Variants in KALRN observed in about 807,000 individuals in gnomAD.
KALRN encodes kalirin.
Under a neutral mutation model 353.7 loss-of-function variants are expected in KALRN, and 70 were observed. The observed-to-expected ratio is 0.20, with a 90% CI of 0.16 to 0.24. The LOEUF is 0.24. Among genes scored for constraint, KALRN ranks in the 10% least tolerant of loss-of-function variants. The pLI is 1.00. For missense variants in KALRN, 2,791 were observed against 3,756.7 expected (o/e 0.74, Z 6.72); for synonymous variants, 1,391 against 1,434.8 (o/e 0.97, Z 0.69).
chr3:124,346,816 G>A (rs532129997), intron 9 of KALRN, among the ~76,000 whole-genome samples: 1 of 152,310 alleles, frequency 6.6e-6, no homozygotes, highest in South Asian at 2.1e-4. Context: ...ATGTGATTGG[G>A]TAGAAGTGGT....
In KALRN at chr3:124,402,463, A is replaced by G. The variant is rs150031544; in HGVS notation, c.2346+3592A>G. ...ATAAACTAGTTATGATAGAAGAGAC[A>G]TTTCACCAAATACAAATGTTTATTT... On this transcript the variant is annotated intron_variant, in intron 13 of 59. Transcript: ENST00000682506. Among the ~76,000 whole-genome samples the G allele has an allele frequency of 5.2e-3, 794 of 152,366 alleles. 3 individuals carry two copies. Among genetic ancestry groups the G allele is most frequent in the Non-Finnish European group, 7.3e-3 (495 of 68,034 alleles).
chr3:124,573,325 A>C (rs750923819), intron 34 of KALRN, among the ~76,000 whole-genome samples: 30 of 152,330 alleles, frequency 2.0e-4, no homozygotes, highest in South Asian at 1.0e-3. Context: ...CCAACAAGGT[A>C]GACTTTGCAG....
chr3:124,165,330 A>G (rs187072703), intron 1 of KALRN, among the ~76,000 whole-genome samples: 308 of 152,146 alleles, frequency 2.0e-3, no homozygotes, highest in Non-Finnish European at 3.8e-3. Flanking sequence ...CATCTCTTAG[A>G]AAGCTTTTCA....
intron 10 of KALRN, among the ~76,000 whole-genome samples, chr3:124,357,021 A>T (rs1467757019): frequency 2.0e-5 from 3 of 152,044 alleles, no homozygotes; most frequent in Non-Finnish European, 2.9e-5. Context: ...TTATTATATC[A>T]CCTCCCACCC....
chr3:124,609,055 T>C (rs891365640), intron 34 of KALRN, among the ~76,000 whole-genome samples: 2 of 152,210 alleles, frequency 1.3e-5, no homozygotes, highest in African/African-American at 2.4e-5. Flanking sequence ...AGAAAGGTCA[T>C]GTGGGCTTGA....
At chr3:124,089,283 G>A (rs555438182) in intron 1 of KALRN, among the ~76,000 whole-genome samples, 1 of 152,262 alleles carries the variant, frequency 6.6e-6, no homozygotes, top group South Asian at 2.1e-4. Flanking sequence ...GGATGGAGAA[G>A]GGCATGGGAT....
At position 124,633,960 on chromosome 3, in the gene KALRN, C is replaced by T. The variant is rs757276294; in HGVS notation, c.5568+7C>T. 5.0e-6 allele frequency: 8 copies of T among 1,608,818 alleles called. No homozygotes were observed. Among genetic ancestry groups the T allele is most frequent in the Admixed American group, 3.3e-5 (2 of 59,946 alleles). On this transcript the variant is annotated splice_region_variant and intron_variant, in intron 36 of 59. Transcript: ENST00000682506. ...CCCTACACAGGATGAAATGGTAGAA[C>T]TTCTTTACTTGCTCACTTAAAAGAG...
chr3:124,346,368 C>G (rs2082264398), intron 9 of KALRN, among the ~76,000 whole-genome samples: 1 of 152,144 alleles, frequency 6.6e-6, no homozygotes. Context: ...CCCTCTATTG[C>G]CCAGGGGTCT....
In KALRN at chr3:124,182,438, T is replaced by G. The variant is rs142952859; in HGVS notation, c.74-45552T>G. 2.4e-4 allele frequency among the ~76,000 whole-genome samples: 36 copies of G among 152,332 alleles called. No individual in the cohort carries two copies. In the East Asian group the frequency reaches 6.7e-3, roughly 29 times the overall value. ...GGGGCTGAGGGTCTCAGTTTCTTGTTGCAGAGGCTGATCTCTGGTCTTTGT... is the reference window on the plus strand; with the variant it reads ...GGGGCTGAGGGTCTCAGTTTCTTGTGGCAGAGGCTGATCTCTGGTCTTTGT... On this transcript the variant is annotated intron_variant, in intron 1 of 59. Coordinates refer to ENST00000682506, the MANE Select transcript of KALRN (RefSeq NM_001388419.1).
At chr3:124,224,492 A>T (rs1171461787) in intron 1 of KALRN, among the ~76,000 whole-genome samples, 1 of 152,218 alleles carries the variant, frequency 6.6e-6, no homozygotes, top group Non-Finnish European at 1.5e-5. Context: ...CACAGGTTGC[A>T]CAAGTGTGAT....
At chr3:124,419,557 T>C (rs1265147327) in intron 14 of KALRN, among the ~76,000 whole-genome samples, 1 of 151,996 alleles carries the variant, frequency 6.6e-6, no homozygotes, top group African/African-American at 2.4e-5. Flanking sequence ...GTTTGTTCAT[T>C]GATTAGGTAT....
chr3:124,546,661 C>T (rs188102638), intron 33 of KALRN, among the ~76,000 whole-genome samples: 1 of 152,094 alleles, frequency 6.6e-6, no homozygotes, highest in Non-Finnish European at 1.5e-5. Flanking sequence ...TGGTCTTAGA[C>T]CCAAAAGCGC....
intron 57 of KALRN, among the ~76,000 whole-genome samples, chr3:124,703,408 G>A (rs2062440778): frequency 6.6e-6 from 1 of 151,918 alleles, no homozygotes; most frequent in Non-Finnish European, 1.5e-5. Flanking sequence ...TGTTATTTTT[G>A]TTTGTTTGAG....
intron 11 of KALRN, among the ~76,000 whole-genome samples, chr3:124,394,554 G>A (rs1445719593): frequency 6.6e-6 from 1 of 152,124 alleles, no homozygotes; most frequent in Non-Finnish European, 1.5e-5. Context: ...ATGGGAAAAT[G>A]TCTCATATAT....
intron 10 of KALRN, among the ~76,000 whole-genome samples, chr3:124,383,173 G>A (rs1214586629): frequency 6.6e-6 from 1 of 152,138 alleles, no homozygotes; most frequent in Non-Finnish European, 1.5e-5. Flanking sequence ...TGGATCCCCT[G>A]AGGCCTCTCT....
intron 21 of KALRN, among the ~76,000 whole-genome samples, chr3:124,448,117 C>T (rs80228682): frequency 0.019 from 2,841 of 152,276 alleles, 41 homozygotes; most frequent in East Asian, 0.074. Flanking sequence ...ATACCCAGAA[C>T]GTCATAGGAT....
At chr3:124,249,353 C>A (rs1028701230) in intron 3 of KALRN, among the ~76,000 whole-genome samples, 1 of 152,044 alleles carries the variant, frequency 6.6e-6, no homozygotes, top group East Asian at 1.9e-4. Context: ...GTTAAATGGA[C>A]GTAATCAGAC....
intron 23 of KALRN, 67 bp downstream of exon 23, chr3:124,456,795 T>A (rs1370580176): frequency 1.9e-6 from 2 of 1,040,594 alleles, no homozygotes; most frequent in Non-Finnish European, 2.9e-6. Flanking sequence ...CCGCTACTTG[T>A]CCCTTTGGAT....
At chr3:124,233,583 C>T (rs2079422444) in intron 2 of KALRN, among the ~76,000 whole-genome samples, 1 of 152,170 alleles carries the variant, frequency 6.6e-6, no homozygotes, top group Admixed American at 6.5e-5. Flanking sequence ...TCCTTACTTC[C>T]TCCTCAAGGG....
Sources: gnomAD v4.1 joint callset for allele counts (sites outside exome capture counted in the v4.1 genomes callset) on GRCh38, gnomAD v4.1.1 for gene constraint, MANE v1.5 for transcripts, NCBI Gene and HGNC (gene_info 2026-07-23, HGNC 2026-07-21) for gene names.